NR5A2: variants seen among roughly 807,000 people sequenced by gnomAD.
NR5A2 encodes nuclear receptor subfamily 5 group A member 2.
A neutral mutation model predicts 62.7 loss-of-function variants in NR5A2; 26 were observed. The ratio of observed to expected loss-of-function variants is 0.41; its 90% CI spans 0.30 to 0.58. NR5A2 has a LOEUF of 0.58. Among genes scored for constraint, NR5A2 ranks in the 20% least tolerant of loss-of-function variants. The probability of loss-of-function intolerance (pLI) is 0.22; values close to 1 mark genes in which losing one functional copy is unlikely to be tolerated. For missense variants in NR5A2, 541 were observed against 669.1 expected, an observed-to-expected ratio of 0.81 and a Z score of 2.11; for synonymous variants, 246 against 241.7, an observed-to-expected ratio of 1.02 and a Z score of -0.16.
At chr1:200,095,794 T>C (rs952296894) in intron 5 of NR5A2, among the ~76,000 whole-genome samples, 7 of 152,038 alleles carry the variant, frequency 4.6e-5, no homozygotes, top group Admixed American at 2.0e-4. Flanking sequence ...CCTTGTGATC[T>C]GCCCGCCTTG....
intron 7 of NR5A2, among the ~76,000 whole-genome samples, chr1:200,153,525 G>C (rs1055769520): frequency 6.6e-6 from 1 of 152,106 alleles, no homozygotes; most frequent in Non-Finnish European, 1.5e-5. Flanking sequence ...CAACCCAGCT[G>C]TTCCAAGCCC....
intron 5 of NR5A2, among the ~76,000 whole-genome samples, chr1:200,095,766 A>C (rs1043748745): frequency 3.3e-5 from 5 of 151,938 alleles, no homozygotes; most frequent in Non-Finnish European, 4.4e-5. Context: ...GTTAGCCAGG[A>C]TGGTGTCGAT....
chr1:200,080,248 G>A (rs115824496), intron 5 of NR5A2, among the ~76,000 whole-genome samples: 39 of 152,228 alleles, frequency 2.6e-4, no homozygotes, highest in African/African-American at 7.2e-4. Context: ...CTAGATTAAT[G>A]GAACCAGTCA....
At chr1:200,033,893 T>C (rs1661639922) in intron 1 of NR5A2, among the ~76,000 whole-genome samples, 1 of 152,124 alleles carries the variant, frequency 6.6e-6, no homozygotes, top group Non-Finnish European at 1.5e-5. Flanking sequence ...GAGACCCAAA[T>C]TGCTGGACTC....
chr1:200,076,916 TATTA>T (rs1227050759), intron 5 of NR5A2, among the ~76,000 whole-genome samples: 3 of 152,194 alleles, frequency 2.0e-5, no homozygotes, highest in Admixed American at 6.5e-5. Flanking sequence ...ATAAATTAAA[TATTA>T]ATTATAGAGA....
At chr1:200,123,478 G>T (rs1666565436) in intron 7 of NR5A2, among the ~76,000 whole-genome samples, 1 of 152,168 alleles carries the variant, frequency 6.6e-6, no homozygotes. Flanking sequence ...GGACATGAAA[G>T]CCACAGATGC....
rs1390223796 is a variant in NR5A2, at chr1:200,042,565, TTAAC to T, written c.203-1207_203-1204del. Among the ~76,000 whole-genome samples the T allele has an allele frequency of 6.6e-5, 10 of 152,270 alleles. No homozygotes were observed. The East Asian group carries it at 1.2e-3, about 18-fold the overall frequency. ...CCCCACCCCCTGCAAACGCCACTGA[TTAAC>T]TTAAAACAAACTCGGCTGCGTGTTT... is the stretch of plus-strand genomic sequence containing the variant. On this transcript the variant is annotated intron_variant, in intron 2 of 7. Coordinates refer to ENST00000367362, the MANE Select transcript of NR5A2 (RefSeq NM_205860.3).
intron 7 of NR5A2, among the ~76,000 whole-genome samples, chr1:200,163,826 T>C (rs1353364641): frequency 1.3e-5 from 2 of 152,068 alleles, no homozygotes; most frequent in Non-Finnish European, 2.9e-5. Context: ...GTAAGGTCAG[T>C]CATGAACAAG....
intron 6 of NR5A2, among the ~76,000 whole-genome samples, chr1:200,114,928 C>G (rs1666146306): frequency 6.6e-6 from 1 of 152,120 alleles, no homozygotes; most frequent in Non-Finnish European, 1.5e-5. Flanking sequence ...TGCCTTCACG[C>G]CGGCATTTAA....
intron 7 of NR5A2, among the ~76,000 whole-genome samples, chr1:200,166,098 A>T (rs1390418923): frequency 6.6e-6 from 1 of 152,202 alleles, no homozygotes; most frequent in Non-Finnish European, 1.5e-5. Context: ...TTCACTTAGC[A>T]TAATGTCTTC....
intron 5 of NR5A2, among the ~76,000 whole-genome samples, chr1:200,066,380 C>T (rs1020082134): frequency 4.6e-5 from 7 of 151,458 alleles, no homozygotes; most frequent in Non-Finnish European, 8.9e-5. Flanking sequence ...TGCACATGTT[C>T]TAAAACTTCC....
chr1:200,087,997 C>T (rs1436297076), intron 5 of NR5A2, among the ~76,000 whole-genome samples: 1 of 152,106 alleles, frequency 6.6e-6, no homozygotes, highest in African/African-American at 2.4e-5. Flanking sequence ...GTGATCTGCC[C>T]ACCTGGGCCT....
chr1:200,176,029 G>A lies in NR5A2; in HGVS notation c.*1819G>A, dbSNP rs1448506595. On this transcript the variant is annotated 3_prime_UTR_variant, in exon 8 of 8. Coordinates refer to ENST00000367362, the MANE Select transcript of NR5A2 (RefSeq NM_205860.3). The stretch of plus-strand genomic sequence containing the variant: ...AAGAAACCAAATATATGTGTTTACT[G>A]TAGCATGTCTTCAAATTAGTGGAAC... 1 of 152,628 alleles carries A rather than the reference G, an allele frequency of 6.6e-6. No individual in the cohort carries two copies. Among genetic ancestry groups the A allele is most frequent in the African/African-American group, 2.4e-5 (1 of 41,442 alleles). The allele number at this position is 152,628 out of a possible 1,614,324, so 9.5% of individuals were successfully genotyped here. A position where few individuals can be genotyped will look rare whatever the true frequency, so the allele number is the denominator to read the frequency against.
At chr1:200,155,518 G>A (rs900945065) in intron 7 of NR5A2, among the ~76,000 whole-genome samples, 2 of 152,172 alleles carry the variant, frequency 1.3e-5, no homozygotes, top group African/African-American at 4.8e-5. Flanking sequence ...GTAGAAGTGA[G>A]ATGTTGTAAA....
intron 7 of NR5A2, among the ~76,000 whole-genome samples, chr1:200,165,763 G>A (rs1211099332): frequency 6.6e-6 from 1 of 152,104 alleles, no homozygotes; most frequent in Non-Finnish European, 1.5e-5. Flanking sequence ...AGGACATTTT[G>A]GTTACTTTCA....
chr1:200,074,689 A>T lies in NR5A2; in HGVS notation c.1110+25871A>T, dbSNP rs1418098207. Among the ~76,000 whole-genome samples, 5 of 140,254 alleles carry T rather than the reference A, an allele frequency of 3.6e-5. No homozygotes were observed. In the East Asian group the frequency reaches 1.1e-3, roughly 32 times the overall value. The allele number at this position is 140,254 out of a possible 152,430, so 92.0% of individuals were successfully genotyped here. On this transcript the variant is annotated intron_variant, in intron 5 of 7. Transcript: ENST00000367362. Reference sequence around the variant, plus strand: ...GAGGTGGAGCCTGCAGTGAGCCGAGATCACACCACTGCACTCCAGTCTGGG... The same window carrying T: ...GAGGTGGAGCCTGCAGTGAGCCGAGTTCACACCACTGCACTCCAGTCTGGG...
At chr1:200,049,547 T>C (rs1014109686) in intron 5 of NR5A2, among the ~76,000 whole-genome samples, 1 of 152,212 alleles carries the variant, frequency 6.6e-6, no homozygotes, top group African/African-American at 2.4e-5. Flanking sequence ...TTATTTTATT[T>C]CCTGAAACTT....
chr1:200,129,402 A>G (rs1428038005), intron 7 of NR5A2, among the ~76,000 whole-genome samples: 1 of 152,236 alleles, frequency 6.6e-6, no homozygotes, highest in East Asian at 1.9e-4. Context: ...AGTGAGGCAT[A>G]CAAAAGGCTG....
chr1:200,137,143 T>TTTTA (rs72183793), intron 7 of NR5A2, among the ~76,000 whole-genome samples: 1,969 of 78,926 alleles, frequency 0.025, 20 homozygotes, highest in African/African-American at 0.034. Flanking sequence ...CCAGATTTTA[T>TTTTA]TTTATTTATT....
Sources: allele counts gnomAD v4.1 joint callset (sites outside exome capture counted in the v4.1 genomes callset), GRCh38; gene constraint gnomAD v4.1.1; transcripts MANE v1.5; gene names NCBI Gene and HGNC (gene_info 2026-07-23, HGNC 2026-07-21).